CTNNBL1: variants seen among roughly 807,000 people sequenced by gnomAD.
CTNNBL1 encodes catenin beta like 1.
CTNNBL1 carries 31 observed loss-of-function variants against 72.7 expected under a neutral mutation model. That is an observed-to-expected ratio of 0.43 (90% CI 0.32 to 0.58). The LOEUF is 0.58. CTNNBL1 is among the 20% of genes least tolerant of loss of function. CTNNBL1 has a pLI of 0.08. For missense variants in CTNNBL1, 534 were observed against 725.1 expected (o/e 0.74, Z 3.03); for synonymous variants, 240 against 267.3 (o/e 0.90, Z 1.00).
chr20:37,808,674 T>C (rs77191598), intron 11 of CTNNBL1, among the ~76,000 whole-genome samples: 6,044 of 152,224 alleles, frequency 0.04, 172 homozygotes, highest in South Asian at 0.084. Flanking sequence ...TTTCCTTCCA[T>C]GCATTCTCCT....
intron 1 of CTNNBL1, among the ~76,000 whole-genome samples, chr20:37,715,473 AG>A (rs1264514703): frequency 1.3e-5 from 2 of 152,248 alleles, no homozygotes; most frequent in Non-Finnish European, 2.9e-5. Flanking sequence ...AAGCTGTAGG[AG>A]GAATTCTTTA....
At chr20:37,761,323 A>G (rs555739858) in intron 5 of CTNNBL1, among the ~76,000 whole-genome samples, 4 of 152,350 alleles carry the variant, frequency 2.6e-5, no homozygotes, top group African/African-American at 9.6e-5. Flanking sequence ...ACTACCCTCC[A>G]TACTCATTCC....
At chr20:37,790,309 A>G (rs1234894609) in intron 10 of CTNNBL1, among the ~76,000 whole-genome samples, 3 of 152,136 alleles carry the variant, frequency 2.0e-5, no homozygotes, top group African/African-American at 7.2e-5. Context: ...ACAATATGGC[A>G]TTTTATTCTT....
At position 37,860,267 on chromosome 20, in the gene CTNNBL1, A is replaced by G. The variant is rs1568815901; in HGVS notation, c.1531-5A>G. 2 of 1,613,218 alleles carry G rather than the reference A, an allele frequency of 1.2e-6. No homozygotes were observed. The highest frequency in any genetic ancestry group is 2.7e-5 in the African/African-American group (2 of 74,958). ...TCTTTCTCTACCCATTTTTTCCCTTATTAGATTCGCCAGAGGGTTCACCAG... is the reference window on the plus strand; with the variant it reads ...TCTTTCTCTACCCATTTTTTCCCTTGTTAGATTCGCCAGAGGGTTCACCAG... On this transcript the variant is annotated splice_region_variant and splice_polypyrimidine_tract_variant and intron_variant, in intron 14 of 15. Transcript: ENST00000361383.
chr20:37,726,294 A>G lies in CTNNBL1; in HGVS notation c.31-6585A>G, dbSNP rs6125997. Among the ~76,000 whole-genome samples the G allele has an allele frequency of 2.8e-3, 431 of 152,334 alleles. 5 individuals carry two copies. The highest frequency in any genetic ancestry group is 0.017 in the East Asian group (89 of 5,174). ...TTTCTAGTTATAGCCTGTCTAAAAT[A>G]GCCACTAGTCTGTGTTCTTATATTT... On this transcript the variant is annotated intron_variant, in intron 1 of 15. Transcript: ENST00000361383.
chr20:37,718,596 C>A (rs1055983355), intron 1 of CTNNBL1, among the ~76,000 whole-genome samples: 17 of 149,874 alleles, frequency 1.1e-4, no homozygotes, highest in African/African-American at 4.2e-4. Context: ...GGGCTGACCC[C>A]CCCCACCTCC....
chr20:37,737,524 C>T lies in CTNNBL1; in HGVS notation c.326+40C>T, dbSNP rs76902575. On this transcript the variant is annotated intron_variant, in intron 3 of 15. Transcript: ENST00000361383. ...CACTGATACCATGTCTCCTCTGTGG[C>T]GTTTCGTTGGCTAATTTTGTTTTGA... The T allele has an allele frequency of 6.5e-3, 8,872 of 1,366,076 alleles. 478 individuals are homozygous for T. The African/African-American group carries it at 0.12, about 18-fold the overall frequency. 84.6% of individuals were successfully genotyped at this position (1,366,076 alleles called of 1,614,324 possible).
At position 37,771,141 on chromosome 20, in the gene CTNNBL1, C is replaced by T. The variant is rs150082782; in HGVS notation, c.750+3097C>T. ...CCCTTCCAATCTCACAGGGTTATTG[C>T]GAAATCAAATATGATAATGCTTTTA... On this transcript the variant is annotated intron_variant, in intron 7 of 15. Coordinates refer to ENST00000361383, the MANE Select transcript of CTNNBL1 (RefSeq NM_030877.5). Among the ~76,000 whole-genome samples, 379 of 152,108 alleles carry T rather than the reference C, an allele frequency of 2.5e-3. 4 individuals carry two copies. The highest frequency in any genetic ancestry group is 8.4e-3 in the African/African-American group (348 of 41,490).
At position 37,694,084 on chromosome 20, in the gene CTNNBL1, T is replaced by C; in HGVS notation, c.-39T>C. On this transcript the variant is annotated 5_prime_UTR_variant, in exon 1 of 16. Coordinates refer to ENST00000361383, the MANE Select transcript of CTNNBL1 (RefSeq NM_030877.5). The stretch of plus-strand genomic sequence containing the variant: ...GGCTGACGGGCCCGCGGTCTGGGCG[T>C]GAGTGCAGGGAAGTGGAGTATTTGC... 6.3e-7 allele frequency: 1 copy of C among 1,598,198 alleles called. No homozygotes were observed.
intron 1 of CTNNBL1, among the ~76,000 whole-genome samples, chr20:37,705,461 CA>C (rs994729296): frequency 7.9e-5 from 12 of 151,490 alleles, no homozygotes; most frequent in East Asian, 1.9e-4. Context: ...AGCAACATGG[CA>C]AAAAAAAATT....
intron 15 of CTNNBL1, among the ~76,000 whole-genome samples, chr20:37,864,798 C>T (rs2072523331): frequency 6.7e-6 from 1 of 148,600 alleles, no homozygotes; most frequent in African/African-American, 2.5e-5. Context: ...TTACTGCTGA[C>T]TGGGGTGCGT....
chr20:37,787,121 A>T, intron 10 of CTNNBL1, among the ~76,000 whole-genome samples: 1 of 140,756 alleles, frequency 7.1e-6, no homozygotes. Context: ...CTATATCCTT[A>T]GCATTTTTTT....
At chr20:37,790,002 TAGG>T (rs1464588427) in intron 10 of CTNNBL1, among the ~76,000 whole-genome samples, 1 of 152,108 alleles carries the variant, frequency 6.6e-6, no homozygotes, top group Non-Finnish European at 1.5e-5. Flanking sequence ...AAAAGAGAAA[TAGG>T]AGGATACACA....
At chr20:37,787,438 G>A (rs1349933665) in intron 10 of CTNNBL1, among the ~76,000 whole-genome samples, 1 of 137,796 alleles carries the variant, frequency 7.3e-6, no homozygotes, top group Non-Finnish European at 1.5e-5. Context: ...TCCGCCTCCC[G>A]GGTTCACGCC....
At position 37,746,492 on chromosome 20, in the gene CTNNBL1, A is replaced by C. The variant is rs2073263868; in HGVS notation, c.351A>C (p.Leu117=). Residue 117 remains leucine, a synonymous_variant, in exon 4 of 16, where the codon CTA becomes CTC. Coordinates refer to ENST00000361383, the MANE Select transcript of CTNNBL1 (RefSeq NM_030877.5). ...PEKFMESELD[L]NDIIQEMHVV... is the part of the protein sequence containing the mutation. ...GGTTCATGGAATCCGAGCTGGACCT[A>C]AATGACATCATTCAGGAGATGCACG... The C allele has an allele frequency of 6.2e-7, 1 of 1,614,006 alleles. No individual in the cohort carries two copies. The highest frequency in any genetic ancestry group is 8.5e-7 in the Non-Finnish European group (1 of 1,179,902).
At position 37,775,175 on chromosome 20, in the gene CTNNBL1, A is replaced by G. The variant is rs555051342; in HGVS notation, c.751-2170A>G. ...TTTATTAGCCATTTGAGAAGATAATACACACAAATTGAAAGAAAAAATATT... is the reference window on the plus strand; with the variant it reads ...TTTATTAGCCATTTGAGAAGATAATGCACACAAATTGAAAGAAAAAATATT... On this transcript the variant is annotated intron_variant, in intron 7 of 15. Transcript: ENST00000361383. 3.9e-5 allele frequency among the ~76,000 whole-genome samples: 6 copies of G among 152,364 alleles called. No individual in the cohort carries two copies. In the South Asian group the frequency reaches 1.2e-3, roughly 32 times the overall value.
chr20:37,765,638 T>C (rs1210196715), intron 6 of CTNNBL1, among the ~76,000 whole-genome samples: 1 of 152,250 alleles, frequency 6.6e-6, no homozygotes, highest in African/African-American at 2.4e-5. Context: ...TTTTAAATCC[T>C]TTTAAGTCGT....
chr20:37,769,062 A>G (rs2073498834), intron 7 of CTNNBL1, among the ~76,000 whole-genome samples: 1 of 152,264 alleles, frequency 6.6e-6, no homozygotes, highest in South Asian at 2.1e-4. Flanking sequence ...TACAGGCGTG[A>G]AACACCGTGC....
chr20:37,848,255 A>G (rs2122832257), intron 13 of CTNNBL1, among the ~76,000 whole-genome samples: 1 of 151,448 alleles, frequency 6.6e-6, no homozygotes, highest in Middle Eastern at 3.4e-3. Flanking sequence ...CCTGGGCTCA[A>G]GTAATCCTCC....
Sources: gnomAD v4.1 joint callset for allele counts (sites outside exome capture counted in the v4.1 genomes callset) on GRCh38, gnomAD v4.1.1 for gene constraint, MANE v1.5 for transcripts, NCBI Gene and HGNC (gene_info 2026-07-23, HGNC 2026-07-21) for gene names.